TMEM135: variants seen among roughly 807,000 people sequenced by gnomAD.
TMEM135 encodes peroxisomal membrane protein 52.
TMEM135 carries 30 observed loss-of-function variants against 60.3 expected under a neutral mutation model. The observed-to-expected ratio is 0.50, with a 90% CI of 0.37 to 0.68. TMEM135 has a LOEUF of 0.68. Ranked by LOEUF, TMEM135 falls within the 30% of genes least tolerant of loss-of-function variation. The pLI, the probability that TMEM135 is intolerant of heterozygous loss-of-function variation, is 0.00. For synonymous variants in TMEM135, 190 were observed against 186.7 expected, an observed-to-expected ratio of 1.02 and a Z score of -0.14; for missense variants, 468 against 548.8, an observed-to-expected ratio of 0.85 and a Z score of 1.47.
At chr11:87,221,946 C>T (rs1940627286) in intron 5 of TMEM135, among the ~76,000 whole-genome samples, 1 of 152,024 alleles carries the variant, frequency 6.6e-6, no homozygotes, top group African/African-American at 2.4e-5. Context: ...ACCTGTAATC[C>T]CAGAACTTTG....
intron 1 of TMEM135, among the ~76,000 whole-genome samples, chr11:87,058,372 C>G (rs1212747311): frequency 6.6e-6 from 1 of 152,044 alleles, no homozygotes; most frequent in Non-Finnish European, 1.5e-5. Flanking sequence ...CTCTGTCACT[C>G]AGGCTGGAGT....
intron 4 of TMEM135, among the ~76,000 whole-genome samples, chr11:87,154,178 GTC>G (rs544119806): frequency 1.2e-4 from 18 of 152,024 alleles, no homozygotes; most frequent in Non-Finnish European, 2.1e-4. Flanking sequence ...TCTACTTTCT[GTC>G]TCAATGAATT....
At chr11:87,234,382 C>T (rs1240065828) in intron 5 of TMEM135, among the ~76,000 whole-genome samples, 1 of 152,020 alleles carries the variant, frequency 6.6e-6, no homozygotes, top group East Asian at 1.9e-4. Flanking sequence ...AGAACAGTGC[C>T]TGGCACGTGG....
intron 6 of TMEM135, among the ~76,000 whole-genome samples, chr11:87,243,062 T>C (rs1287650230): frequency 7.7e-6 from 1 of 130,480 alleles, no homozygotes; most frequent in East Asian, 2.0e-4. Flanking sequence ...GTTTCAGCTT[T>C]CTACATATGG....
intron 1 of TMEM135, among the ~76,000 whole-genome samples, chr11:87,042,035 C>G (rs1949754107): frequency 6.6e-6 from 1 of 152,206 alleles, no homozygotes; most frequent in Non-Finnish European, 1.5e-5. Context: ...CCAAAAATCA[C>G]TGACAGGAGG....
chr11:87,075,760 CATT>C, intron 3 of TMEM135, among the ~76,000 whole-genome samples: 1 of 152,342 alleles, frequency 6.6e-6, no homozygotes, highest in East Asian at 1.9e-4. Flanking sequence ...AGCCCAATAT[CATT>C]ATGGTTTTTG....
intron 7 of TMEM135, among the ~76,000 whole-genome samples, chr11:87,299,104 C>A (rs1156618272): frequency 1.3e-5 from 2 of 151,960 alleles, no homozygotes; most frequent in Non-Finnish European, 1.5e-5. Flanking sequence ...AAAACAAAAC[C>A]AAAACCAAAA....
At chr11:87,200,011 G>A (rs1591098307) in intron 5 of TMEM135, among the ~76,000 whole-genome samples, 1 of 152,150 alleles carries the variant, frequency 6.6e-6, no homozygotes, top group East Asian at 1.9e-4. Context: ...TTTTAGCACT[G>A]TAAACTAAAT....
At chr11:87,145,751 C>A (rs191425188) in intron 4 of TMEM135, among the ~76,000 whole-genome samples, 86 of 151,708 alleles carry the variant, frequency 5.7e-4, no homozygotes, top group Non-Finnish European at 1.1e-3. Flanking sequence ...CTATTCAGGT[C>A]ACTTATCCAT....
chr11:87,189,676 T>C (rs1939749857), intron 5 of TMEM135, among the ~76,000 whole-genome samples: 1 of 151,182 alleles, frequency 6.6e-6, no homozygotes, highest in Non-Finnish European at 1.5e-5. Context: ...CCTAGCACTT[T>C]GGGAGACCAA....
intron 2 of TMEM135, among the ~76,000 whole-genome samples, chr11:87,070,061 A>G (rs1178198530): frequency 6.6e-6 from 1 of 151,932 alleles, no homozygotes; most frequent in Non-Finnish European, 1.5e-5. Flanking sequence ...GTCCCAGCTA[A>G]CTTGGGAGGC....
chr11:87,094,313 G>A lies in TMEM135; in HGVS notation c.396+2918G>A, dbSNP rs79132542. ...TATAATACTTTTCTGAAGCCGTCAC[G>A]CTACAGGTTCTTATTATTTGTCTCT... On this transcript the variant is annotated intron_variant, in intron 4 of 14. Transcript: ENST00000305494. Among the ~76,000 whole-genome samples, 1,278 of 152,206 alleles carry A rather than the reference G, an allele frequency of 8.4e-3. 24 individuals carry two copies. The highest frequency in any genetic ancestry group is 0.029 in the African/African-American group (1,224 of 41,536).
chr11:87,077,671 A>T (rs764091202), intron 3 of TMEM135, among the ~76,000 whole-genome samples: 1 of 152,232 alleles, frequency 6.6e-6, no homozygotes, highest in African/African-American at 2.4e-5. Context: ...TATATTCACA[A>T]AGTTGTTTAA....
At chr11:87,222,723 G>T (rs1451635179) in intron 5 of TMEM135, among the ~76,000 whole-genome samples, 2 of 151,890 alleles carry the variant, frequency 1.3e-5, no homozygotes, top group African/African-American at 4.8e-5. Context: ...AGAATGGCGT[G>T]AACCCAGGAG....
At chr11:87,157,479 G>T in intron 5 of TMEM135, 73 bp downstream of exon 5, 2 of 1,260,134 alleles carry the variant, frequency 1.6e-6, no homozygotes, top group South Asian at 2.4e-5. Context: ...AAAATGTGAT[G>T]AAATCTATGA....
chr11:87,287,638 C>T (rs1942191064), intron 6 of TMEM135, among the ~76,000 whole-genome samples: 1 of 152,212 alleles, frequency 6.6e-6, no homozygotes, highest in Non-Finnish European at 1.5e-5. Flanking sequence ...GATCACACCA[C>T]TGCACTCCAG....
intron 4 of TMEM135, among the ~76,000 whole-genome samples, chr11:87,097,168 TG>T (rs1857349733): frequency 6.6e-6 from 1 of 152,166 alleles, no homozygotes; most frequent in African/African-American, 2.4e-5. Flanking sequence ...GGCTAATTTT[TG>T]TATTTCCAGT....
chr11:87,287,583 A>C (rs370500941), intron 6 of TMEM135, among the ~76,000 whole-genome samples: 1 of 152,232 alleles, frequency 6.6e-6, no homozygotes, highest in Non-Finnish European at 1.5e-5. Context: ...AAGCTGAGGC[A>C]GGAGAATCGC....
At chr11:87,102,722 A>ATGTG (rs1471976195) in intron 4 of TMEM135, among the ~76,000 whole-genome samples, 2 of 132,234 alleles carry the variant, frequency 1.5e-5, no homozygotes, top group Non-Finnish European at 1.6e-5. Flanking sequence ...ATGTATATAT[A>ATGTG]TATATGTATA....
Sources: gnomAD v4.1 joint callset for allele counts (sites outside exome capture counted in the v4.1 genomes callset) on GRCh38, gnomAD v4.1.1 for gene constraint, MANE v1.5 for transcripts, NCBI Gene and HGNC (gene_info 2026-07-23, HGNC 2026-07-21) for gene names.